CDK7: variants seen among roughly 807,000 people sequenced by gnomAD.
CDK7 encodes cyclin-dependent kinase 7.
Under a neutral mutation model 49.1 loss-of-function variants are expected in CDK7, and 25 were observed. That is an observed-to-expected ratio of 0.51 (90% CI 0.37 to 0.71). CDK7 has a LOEUF of 0.71. CDK7 is among the 30% of genes least tolerant of loss of function. The pLI is 0.00. For missense variants in CDK7, 316 were observed against 411.7 expected, an observed-to-expected ratio of 0.77 and a Z score of 2.01; for synonymous variants, 107 against 140.0, an observed-to-expected ratio of 0.76 and a Z score of 1.67.
chr5:69,241,938 TG>T (rs1330527996), intron 2 of CDK7, among the ~76,000 whole-genome samples: 1 of 152,194 alleles, frequency 6.6e-6, no homozygotes, highest in Non-Finnish European at 1.5e-5. Flanking sequence ...ATTTTTGCAT[TG>T]GTTGCCTGTG....
At chr5:69,262,611 A>G (rs1004786471) in intron 8 of CDK7, among the ~76,000 whole-genome samples, 3 of 150,712 alleles carry the variant, frequency 2.0e-5, no homozygotes, top group Middle Eastern at 3.4e-3. Flanking sequence ...AGAGGTTGCA[A>G]TGAGCCAAGA....
chr5:69,235,334 T>C, intron 1 of CDK7, 60 bp from the exon 2 acceptor site: 1 of 1,290,748 alleles, frequency 7.7e-7, no homozygotes, highest in South Asian at 1.2e-5. Context: ...AATGTAAAAA[T>C]GCAAAAAGGC....
At chr5:69,269,354 C>A in intron 9 of CDK7, 61 bp downstream of exon 9, 2 of 1,152,264 alleles carry the variant, frequency 1.7e-6, no homozygotes, top group South Asian at 1.3e-5. Flanking sequence ...CTTAAACTGT[C>A]ATATACTTTA....
In CDK7 at chr5:69,235,061, C is replaced by T. The variant is rs752577811; in HGVS notation, c.66+20C>T. On this transcript the variant is annotated intron_variant, in intron 1 of 11. Coordinates refer to ENST00000256443, the MANE Select transcript of CDK7 (RefSeq NM_001799.4). ...GGACAGGTGAGGCTCTCTGGAAGGA[C>T]GGGGAGGGCCCCAAGCGGACAGCCC... is the stretch of plus-strand genomic sequence containing the variant. The T allele has an allele frequency of 5.8e-5, 92 of 1,588,718 alleles. No homozygotes were observed. Among genetic ancestry groups the T allele is most frequent in the Non-Finnish European group, 6.9e-5 (80 of 1,166,870 alleles).
chr5:69,235,301 A>C (rs1748885605), intron 1 of CDK7, 93 bp from the exon 2 acceptor site: 2 of 984,044 alleles, frequency 2.0e-6, no homozygotes, highest in Non-Finnish European at 3.2e-6. Context: ...CTGCTCAGGA[A>C]CTCTGGGCTC....
chr5:69,261,319 C>T (rs1336692973), intron 7 of CDK7, among the ~76,000 whole-genome samples: 1 of 152,104 alleles, frequency 6.6e-6, no homozygotes, highest in Non-Finnish European at 1.5e-5. Context: ...TTCTCATCTA[C>T]CAGTTTCTCA....
chr5:69,277,191 T>A lies in CDK7; in HGVS notation c.*56T>A. On this transcript the variant is annotated 3_prime_UTR_variant, in exon 12 of 12. Coordinates refer to ENST00000256443, the MANE Select transcript of CDK7 (RefSeq NM_001799.4). ...GGGAAATAGCCAAAAAGGCAAATAA[T>A]GGAAAAATAGTAAACATTAAGTAAA... is the stretch of plus-strand genomic sequence containing the variant. The A allele has an allele frequency of 7.6e-7, 1 of 1,321,742 alleles. No homozygotes were observed. The highest frequency in any genetic ancestry group is 1.1e-6 in the Non-Finnish European group (1 of 945,964). 81.9% of individuals were successfully genotyped at this position (1,321,742 alleles called of 1,614,324 possible). A position where few individuals can be genotyped will look rare whatever the true frequency, so the allele number is the denominator to read the frequency against.
chr5:69,268,113 A>AC (rs1751280677), intron 8 of CDK7, among the ~76,000 whole-genome samples: 1 of 152,132 alleles, frequency 6.6e-6, no homozygotes, highest in Admixed American at 6.6e-5. Context: ...GGCATGCACC[A>AC]CCACGCCTGG....
intron 2 of CDK7, among the ~76,000 whole-genome samples, chr5:69,239,517 A>G (rs546702733): frequency 1.3e-5 from 2 of 151,414 alleles, no homozygotes; most frequent in Non-Finnish European, 2.9e-5. Flanking sequence ...GCAATCCTCC[A>G]GCATCGGCCT....
intron 7 of CDK7, among the ~76,000 whole-genome samples, chr5:69,261,790 A>G (rs1461133653): frequency 1.3e-5 from 2 of 152,088 alleles, no homozygotes; most frequent in Non-Finnish European, 2.9e-5. Flanking sequence ...CGGCCTCCCA[A>G]AGTGCTGGGA....
chr5:69,263,699 A>G (rs1432845107), intron 8 of CDK7, among the ~76,000 whole-genome samples: 1 of 152,194 alleles, frequency 6.6e-6, no homozygotes, highest in Non-Finnish European at 1.5e-5. Flanking sequence ...ACCTGAACAT[A>G]GAGTATACCA....
At chr5:69,244,762 G>A (rs1749623907) in intron 2 of CDK7, among the ~76,000 whole-genome samples, 1 of 151,990 alleles carries the variant, frequency 6.6e-6, no homozygotes, top group African/African-American at 2.4e-5. Flanking sequence ...CATTCTTGGT[G>A]TGTTCAAGCT....
At chr5:69,265,904 T>C (rs1392799737) in intron 8 of CDK7, among the ~76,000 whole-genome samples, 1 of 135,744 alleles carries the variant, frequency 7.4e-6, no homozygotes, top group Non-Finnish European at 1.7e-5. Flanking sequence ...AGCAAGACAC[T>C]AGCTAAAAAA....
At chr5:69,246,777 A>G (rs1236666871) in intron 2 of CDK7, among the ~76,000 whole-genome samples, 3 of 151,128 alleles carry the variant, frequency 2.0e-5, no homozygotes, top group African/African-American at 7.3e-5. Flanking sequence ...CCGTATCCCA[A>G]GGTTTTTGGT....
At chr5:69,252,305 C>T in intron 2 of CDK7, 113 bp from the exon 3 acceptor site, 1 of 710,744 alleles carries the variant, frequency 1.4e-6, no homozygotes, top group Non-Finnish European at 2.5e-6. Flanking sequence ...ATATTGGTTG[C>T]TAATTGTTTT....
chr5:69,259,639 A>G (rs945424605), intron 6 of CDK7, among the ~76,000 whole-genome samples, 179 bp from the exon 7 acceptor site: 5 of 152,186 alleles, frequency 3.3e-5, no homozygotes, highest in Non-Finnish European at 7.4e-5. Flanking sequence ...AAGGTTATAT[A>G]TTATAACCAA....
chr5:69,240,443 T>G (rs1311319239), intron 2 of CDK7, among the ~76,000 whole-genome samples: 1 of 152,042 alleles, frequency 6.6e-6, no homozygotes, highest in African/African-American at 2.4e-5. Flanking sequence ...TACGTTGGAG[T>G]GAAATGACAT....
At chr5:69,251,999 TGTG>T (rs781234708) in intron 2 of CDK7, among the ~76,000 whole-genome samples, 29 of 152,180 alleles carry the variant, frequency 1.9e-4, no homozygotes, top group Admixed American at 5.2e-4. Context: ...TTTTGAAAAA[TGTG>T]GTGTCTAAGA....
At chr5:69,267,171 T>C (rs1751209735) in intron 8 of CDK7, among the ~76,000 whole-genome samples, 1 of 152,116 alleles carries the variant, frequency 6.6e-6, no homozygotes, top group African/African-American at 2.4e-5. Context: ...ATCAACCAGT[T>C]TCAATAGTTT....
Sources: gnomAD v4.1 joint callset for allele counts (sites outside exome capture counted in the v4.1 genomes callset) on GRCh38, gnomAD v4.1.1 for gene constraint, MANE v1.5 for transcripts, NCBI Gene and HGNC (gene_info 2026-07-23, HGNC 2026-07-21) for gene names.